SEMA5A: variants seen among roughly 807,000 people sequenced by gnomAD.
SEMA5A encodes the protein semaphorin 5A.
In SEMA5A, 55 loss-of-function variants were observed where a neutral mutation model predicts 135.5. That is an observed-to-expected ratio of 0.41 (90% CI 0.33 to 0.51). The LOEUF (loss-of-function observed/expected upper bound fraction) is 0.51, where lower values mean the gene tolerates loss of function less well. Ranked by LOEUF, SEMA5A falls within the 20% of genes least tolerant of loss-of-function variation. SEMA5A has a pLI of 0.37. For missense variants in SEMA5A, 1,290 were observed against 1,419.9 expected, an observed-to-expected ratio of 0.91 and a Z score of 1.47; for synonymous variants, 580 against 546.5, an observed-to-expected ratio of 1.06 and a Z score of -0.85.
intron 17 of SEMA5A, among the ~76,000 whole-genome samples, 169 bp from the exon 18 acceptor site, chr5:9,063,274 C>A (rs1386716778): frequency 6.6e-6 from 1 of 152,218 alleles, no homozygotes; most frequent in Non-Finnish European, 1.5e-5. Context: ...GGTGTGATAG[C>A]CTCTTATCTC....
At chr5:9,235,255 C>T (rs532351095) in intron 6 of SEMA5A, among the ~76,000 whole-genome samples, 36 of 152,240 alleles carry the variant, frequency 2.4e-4, no homozygotes, top group African/African-American at 8.4e-4. Flanking sequence ...CAAATATATA[C>T]ATGTAATCAA....
At chr5:9,431,993 A>T (rs752886883) in intron 2 of SEMA5A, among the ~76,000 whole-genome samples, 1 of 152,208 alleles carries the variant, frequency 6.6e-6, no homozygotes, top group Non-Finnish European at 1.5e-5. Context: ...ATTCACCTAA[A>T]CAAAAGAGGG....
At chr5:9,400,510 T>TAAATACGTTACATTA (rs1756611188) in intron 2 of SEMA5A, among the ~76,000 whole-genome samples, 150 of 86,846 alleles carry the variant, frequency 1.7e-3, no homozygotes, top group South Asian at 2.9e-3. Flanking sequence ...CATTTTTTTT[T>TAAATACGTTACATTA]TTTTTTTTTT....
intron 1 of SEMA5A, among the ~76,000 whole-genome samples, chr5:9,494,327 T>C (rs953019364): frequency 2.0e-5 from 3 of 152,194 alleles, no homozygotes; most frequent in African/African-American, 7.2e-5. Flanking sequence ...CAATATCCAT[T>C]CAAAAATTGA....
chr5:9,354,493 T>C (rs993612585), intron 3 of SEMA5A, among the ~76,000 whole-genome samples: 4 of 152,214 alleles, frequency 2.6e-5, no homozygotes, highest in Admixed American at 6.5e-5. Flanking sequence ...TGAACTTTAA[T>C]TATTTGCTTG....
chr5:9,172,464 G>T (rs1168552468), intron 11 of SEMA5A, among the ~76,000 whole-genome samples: 1 of 152,140 alleles, frequency 6.6e-6, no homozygotes, highest in Admixed American at 6.5e-5. Context: ...CATCATTGAA[G>T]GCCTAAATGA....
intron 11 of SEMA5A, among the ~76,000 whole-genome samples, chr5:9,181,666 G>T (rs1744518263): frequency 6.6e-6 from 1 of 152,154 alleles, no homozygotes; most frequent in African/African-American, 2.4e-5. Flanking sequence ...GAAGATTGGG[G>T]ATGGGATTGA....
chr5:9,279,954 T>G (rs1262912322), intron 5 of SEMA5A, among the ~76,000 whole-genome samples: 1 of 152,196 alleles, frequency 6.6e-6, no homozygotes, highest in Admixed American at 6.5e-5. Context: ...TAATATCAAC[T>G]TGCATATGAC....
intron 3 of SEMA5A, among the ~76,000 whole-genome samples, chr5:9,372,483 A>T (rs991263905): frequency 2.0e-5 from 3 of 152,202 alleles, no homozygotes; most frequent in Non-Finnish European, 4.4e-5. Context: ...AGTTGTGAAC[A>T]TGCCTAGAAC....
chr5:9,368,797 A>G (rs1755018150), intron 3 of SEMA5A, among the ~76,000 whole-genome samples: 1 of 152,204 alleles, frequency 6.6e-6, no homozygotes, highest in South Asian at 2.1e-4. Context: ...TCCATTGATG[A>G]ACTTTTGGGT....
chr5:9,075,713 G>A (rs1259337522), intron 16 of SEMA5A, among the ~76,000 whole-genome samples: 1 of 152,090 alleles, frequency 6.6e-6, no homozygotes, highest in East Asian at 1.9e-4. Context: ...ATGAGGAAAT[G>A]GGTTGATGGA....
At chr5:9,340,340 C>T (rs187677573) in intron 3 of SEMA5A, among the ~76,000 whole-genome samples, 33 of 152,284 alleles carry the variant, frequency 2.2e-4, no homozygotes, top group Admixed American at 1.9e-3. Flanking sequence ...GAGGGAAGAA[C>T]AGAGGGCCAA....
chr5:9,346,523 C>G (rs1291527865), intron 3 of SEMA5A, among the ~76,000 whole-genome samples: 1 of 152,176 alleles, frequency 6.6e-6, no homozygotes, highest in Non-Finnish European at 1.5e-5. Context: ...TTTCAGGGGT[C>G]ACAGGTTCCC....
intron 11 of SEMA5A, among the ~76,000 whole-genome samples, chr5:9,177,484 T>C (rs1744268347): frequency 6.6e-6 from 1 of 152,238 alleles, no homozygotes; most frequent in African/African-American, 2.4e-5. Flanking sequence ...TTTGGAGGGC[T>C]TCATTCTGGT....
intron 6 of SEMA5A, among the ~76,000 whole-genome samples, chr5:9,228,497 A>C (rs1035730078): frequency 1.3e-4 from 20 of 152,346 alleles, no homozygotes; most frequent in Admixed American, 1.2e-3. Context: ...GTGAGTTCAC[A>C]TGTTACTCTG....
intron 1 of SEMA5A, among the ~76,000 whole-genome samples, chr5:9,500,510 G>C (rs1735538378): frequency 6.6e-6 from 1 of 152,106 alleles, no homozygotes; most frequent in African/African-American, 2.4e-5. Context: ...TCTCCTAACT[G>C]ATCCAGACAT....
Position 9,432,214 on chromosome 5 carries a change from C to CAGG in SEMA5A, c.-78+5539_-78+5541dup, listed in dbSNP as rs1757881730. 2.0e-5 allele frequency among the ~76,000 whole-genome samples: 3 copies of CAGG among 152,176 alleles called. No homozygotes were observed. The South Asian group carries it at 6.2e-4, about 32-fold the overall frequency. ...GGATGGCCTCACAGAGATTTTCCAT[C>CAGG]AGGCTGAGTACACAATCGGATGGGA... On this transcript the variant is annotated intron_variant, in intron 2 of 22. Transcript: ENST00000382496.
intron 11 of SEMA5A, among the ~76,000 whole-genome samples, chr5:9,177,226 G>A (rs1744252308): frequency 6.6e-6 from 1 of 152,160 alleles, no homozygotes; most frequent in South Asian, 2.1e-4. Flanking sequence ...CAGAAAACTG[G>A]GGCAGTTATA....
At chr5:9,158,654 CATTTGTGAAA>C (rs1288759489) in intron 11 of SEMA5A, among the ~76,000 whole-genome samples, 1 of 151,982 alleles carries the variant, frequency 6.6e-6, no homozygotes, top group Non-Finnish European at 1.5e-5. Context: ...TAGTATTTGC[CATTTGTGAAA>C]ATGTCCCCTA....
Sources: allele counts gnomAD v4.1 joint callset (sites outside exome capture counted in the v4.1 genomes callset), GRCh38; gene constraint gnomAD v4.1.1; transcripts MANE v1.5; gene names NCBI Gene and HGNC (gene_info 2026-07-23, HGNC 2026-07-21).